The following TTC16 variants were observed in gnomAD, a reference collection of about 807,000 sequenced individuals.
TTC16 encodes the protein tetratricopeptide repeat protein 16.
A neutral mutation model predicts 80.4 loss-of-function variants in TTC16; 66 were observed. That is an observed-to-expected ratio of 0.82 (90% confidence interval 0.67 to 1.01). The LOEUF is 1.01. TTC16 is among the 50% of genes least tolerant of loss of function. The probability of loss-of-function intolerance (pLI) is 0.00; values close to 1 mark genes in which losing one functional copy is unlikely to be tolerated. For missense variants in TTC16, 1,070 were observed against 1,103.2 expected, an observed-to-expected ratio of 0.97 and a Z score of 0.43; for synonymous variants, 438 against 451.3, an observed-to-expected ratio of 0.97 and a Z score of 0.37.
chr9:127,729,579 A>G lies in TTC16; in HGVS notation c.1765-2A>G, dbSNP rs768056633. 18 of 1,613,494 alleles carry G rather than the reference A, an allele frequency of 1.1e-5. 1 individual carries two copies. Among genetic ancestry groups the G allele is most frequent in the Middle Eastern group, 1.6e-4 (1 of 6,082 alleles). On this transcript the variant is annotated splice_acceptor_variant, in intron 12 of 13. Coordinates refer to ENST00000373289, the MANE Select transcript of TTC16 (RefSeq NM_144965.3). LOFTEE classifies it high-confidence loss of function. ...AACTACAAAGCCTGTTTCTTGCCAT[A>G]GGAGAAAAAATCAGAGCTCATACCT...
chr9:127,717,358 G>T lies in TTC16; in HGVS notation c.216G>T (p.Leu72Phe). The part of the protein sequence containing the change: ...REYYSRGQQC[L>F]EQADWETAVL... ...GCTACTCCAGAGGCCAGCAGTGCTT[G>T]GAGCAGGCAGACTGGGAGACAGCTG... Residue 72 changes from leucine to phenylalanine, a missense_variant, in exon 3 of 14, where the codon TTG (leucine) becomes TTT (phenylalanine). Coordinates refer to ENST00000373289, the MANE Select transcript of TTC16 (RefSeq NM_144965.3). The T allele has an allele frequency of 6.2e-7, 1 of 1,612,206 alleles. No individual in the cohort carries two copies.
At chr9:127,729,916 A>G in intron 13 of TTC16, 1 of 505,746 alleles carries the variant, frequency 2.0e-6, no homozygotes, top group Non-Finnish European at 3.6e-6. Flanking sequence ...CCTGTCCCTG[A>G]AATAAGCCCA....
chr9:127,723,905 C>A (rs1246503260), intron 7 of TTC16, among the ~76,000 whole-genome samples: 34 of 146,204 alleles, frequency 2.3e-4, no homozygotes, highest in Admixed American at 2.0e-4. Flanking sequence ...GGTATTTTTG[C>A]AAAAAAAAAA....
rs1243017320 is a variant in TTC16, at chr9:127,720,392, G to A, written c.654G>A (p.Gln218=). ...IFRARLYNFL[Q]KPHLCYRDLH... Reference sequence around the variant, plus strand: ...GGGCCAGACTCTACAACTTTCTCCAGAAGGTACAGTGGGGAGGGCGGGCAG... The same window carrying A: ...GGGCCAGACTCTACAACTTTCTCCAAAAGGTACAGTGGGGAGGGCGGGCAG... The change falls in exon 6 of 14, where the codon CAG becomes CAA. Residue 218 remains glutamine (Q), a synonymous_variant. Coordinates refer to ENST00000373289, the MANE Select transcript of TTC16 (RefSeq NM_144965.3). 2 of 1,311,828 alleles carry A rather than the reference G, an allele frequency of 1.5e-6. No homozygotes were observed. Among genetic ancestry groups the A allele is most frequent in the African/African-American group, 2.9e-5 (2 of 69,064 alleles). 81.3% of individuals were successfully genotyped at this position (1,311,828 alleles called of 1,614,324 possible).
rs1352721099 is a variant in TTC16, at chr9:127,724,881, T to C, written c.1243T>C (p.Cys415Arg). 6.4e-7 allele frequency: 1 copy of C among 1,559,298 alleles called. No homozygotes were observed. Among genetic ancestry groups the C allele is most frequent in the African/African-American group, 1.4e-5 (1 of 73,552 alleles). Reference protein sequence around the residue: ...MGLLQEKMGFCEQRRKQFQKA... With the variant: ...MGLLQEKMGFREQRRKQFQKA... ...CCTGCTGCAGGAGAAGATGGGCTTC[T>C]GCGAGCAGAGGCGCAAGTGCGTGGG... Residue 415 changes from cysteine (C) to arginine (R), a missense_variant, in exon 9 of 14, where the codon TGC becomes CGC. Coordinates refer to ENST00000373289, the MANE Select transcript of TTC16 (RefSeq NM_144965.3).
chr9:127,727,330 G>A lies in TTC16; in HGVS notation c.1629G>A (p.Lys543=). The A allele has an allele frequency of 6.2e-7, 1 of 1,602,642 alleles. No homozygotes were observed. The highest frequency in any genetic ancestry group is 8.5e-7 in the Non-Finnish European group (1 of 1,172,568). The stretch of plus-strand genomic sequence containing the variant: ...CCTTGGCCCTGCAGCACTCATGGAA[G>A]CAGGGGGAGCCTTTGATTGCGACCT... ...QKALALQHSW[K]QGEPLIATSE... is the part of the protein sequence containing the mutation. Residue 543 remains lysine (K), a synonymous_variant, in exon 12 of 14, where the codon AAG becomes AAA. Coordinates refer to ENST00000373289, the MANE Select transcript of TTC16 (RefSeq NM_144965.3).
At chr9:127,730,357 C>A (rs778876044) in intron 13 of TTC16, 11 of 500,118 alleles carry the variant, frequency 2.2e-5, no homozygotes, top group Non-Finnish European at 3.2e-5. Flanking sequence ...CCTGCTGGGG[C>A]TGTCTGCTGC....
In TTC16 at chr9:127,724,282, C is replaced by CA. The variant is rs939021377; in HGVS notation, c.1035_1036insA (p.Ala346SerfsTer149). On this transcript the variant is annotated frameshift_variant, in exon 8 of 14. Coordinates refer to ENST00000373289, the MANE Select transcript of TTC16 (RefSeq NM_144965.3). LOFTEE classifies it high-confidence loss of function. ...TTGCCGTGCACTGCTACAGGCAGGG[C>CA]GCCTACCAGGAGGGCGTGCTGCTGC... is the stretch of plus-strand genomic sequence containing the variant. 1.7e-5 allele frequency: 27 copies of CA among 1,612,896 alleles called. No individual in the cohort carries two copies. Among genetic ancestry groups the CA allele is most frequent in the Admixed American group, 6.7e-5 (4 of 60,002 alleles).
At position 127,716,104 on chromosome 9, in the gene TTC16, G is replaced by T. The variant is rs372505648; in HGVS notation, c.-42G>T. 1 of 1,613,736 alleles carries T rather than the reference G, an allele frequency of 6.2e-7. No homozygotes were observed. The highest frequency in any genetic ancestry group is 8.5e-7 in the Non-Finnish European group (1 of 1,179,976). On this transcript the variant is annotated 5_prime_UTR_variant, in exon 1 of 14. It adds an upstream start codon to the 5' untranslated region. Transcript: ENST00000373289. ...AGCAACGTCAGGGCCAGGGCCGCGAGGTAGTTGGCAGAGGCCTCGGGGTCC... is the reference window on the plus strand; with the variant it reads ...AGCAACGTCAGGGCCAGGGCCGCGATGTAGTTGGCAGAGGCCTCGGGGTCC...
intron 7 of TTC16, 24 bp downstream of exon 7, chr9:127,723,357 C>A (rs1453170344): frequency 5.0e-6 from 8 of 1,603,596 alleles, no homozygotes; most frequent in Non-Finnish European, 6.0e-6. Flanking sequence ...AGGTGCTGGC[C>A]TTGGGTCCCA....
chr9:127,730,591 C>T, intron 13 of TTC16, 45 bp from the exon 14 acceptor site: 1 of 1,591,324 alleles, frequency 6.3e-7, no homozygotes, highest in Non-Finnish European at 8.5e-7. Context: ...CTGTCCAGGG[C>T]AGGTGCGGCA....
In TTC16 at chr9:127,723,430, A is replaced by G. The variant is rs543144978; in HGVS notation, c.872+97A>G. 4 of 1,189,876 alleles carry G rather than the reference A, an allele frequency of 3.4e-6. No homozygotes were observed. In the Admixed American group the frequency reaches 6.5e-5, roughly 19 times the overall value. 73.7% of individuals were successfully genotyped at this position (1,189,876 alleles called of 1,614,324 possible). On this transcript the variant is annotated intron_variant, in intron 7 of 13. Coordinates refer to ENST00000373289, the MANE Select transcript of TTC16 (RefSeq NM_144965.3). ...GAGTCCCTGACCCTCTCTGGGCCTC[A>G]GTTTCCCCAGCTAGCCTCTAACAGT...
intron 1 of TTC16, 185 bp from the exon 2 acceptor site, chr9:127,716,659 G>C: frequency 1.4e-6 from 1 of 699,702 alleles, no homozygotes; most frequent in Non-Finnish European, 2.3e-6. Context: ...CAGGACTGCA[G>C]AGGGACAGGT....
chr9:127,730,916 G>A lies in TTC16; in HGVS notation c.2133G>A (p.Lys711=). ...TIHKRNSSKT[K]ATQSQRRNSS... ...ACAAGAGGAACTCCAGCAAGACCAA[G>A]GCCACCCAAAGCCAGAGGCGGAACT... The change falls in exon 14 of 14, where the codon AAG becomes AAA. Residue 711 remains lysine (K), a synonymous_variant. Transcript: ENST00000373289. 3 of 1,612,674 alleles carry A rather than the reference G, an allele frequency of 1.9e-6. No individual in the cohort carries two copies. Among genetic ancestry groups the A allele is most frequent in the Non-Finnish European group, 2.5e-6 (3 of 1,179,822 alleles).
At chr9:127,716,750 G>A in intron 1 of TTC16, 94 bp from the exon 2 acceptor site, 2 of 1,469,396 alleles carry the variant, frequency 1.4e-6, no homozygotes, top group Non-Finnish European at 1.8e-6. Flanking sequence ...CCTCATTTCC[G>A]CCTCTCCTCC....
chr9:127,716,126 G>A lies in TTC16; in HGVS notation c.-20G>A, dbSNP rs765247852. The stretch of plus-strand genomic sequence containing the variant: ...CGAGGTAGTTGGCAGAGGCCTCGGG[G>A]TCCTCCTGGAAGGGGCCTCATGACA... On this transcript the variant is annotated 5_prime_UTR_variant, in exon 1 of 14. Transcript: ENST00000373289. The A allele has an allele frequency of 6.2e-7, 1 of 1,613,994 alleles. No individual in the cohort carries two copies. Among genetic ancestry groups the A allele is most frequent in the East Asian group, 2.2e-5 (1 of 44,888 alleles).
intron 6 of TTC16, among the ~76,000 whole-genome samples, chr9:127,721,111 G>A (rs937190752): frequency 2.6e-5 from 4 of 151,762 alleles, no homozygotes; most frequent in African/African-American, 9.7e-5. Context: ...TCACAAGGAA[G>A]GAGGTGGAGG....
At position 127,717,000 on chromosome 9, in the gene TTC16, CT is replaced by C. The variant is rs1381528702; in HGVS notation, c.176del (p.Leu59ProfsTer98). 1 of 1,613,444 alleles carries C rather than the reference CT, an allele frequency of 6.2e-7. No homozygotes were observed. Among genetic ancestry groups the C allele is most frequent in the East Asian group, 2.2e-5 (1 of 44,844 alleles). On this transcript the variant is annotated frameshift_variant, in exon 2 of 14. Coordinates refer to ENST00000373289, the MANE Select transcript of TTC16 (RefSeq NM_144965.3). LOFTEE classifies it high-confidence loss of function. ...AAAGGTCACAGGGTTAACAGTGCCC[CT>C]CAAAGTCAGGGAATAGTGAGTGACT... ...KPKVTGLTVPLKVREYYSRGQ... is the reference protein window; with the variant it reads ...KPKVTGLTVPXKVREYYSRGQ...
chr9:127,723,644 C>G (rs931322631), intron 7 of TTC16, among the ~76,000 whole-genome samples: 3 of 152,192 alleles, frequency 2.0e-5, no homozygotes, highest in Non-Finnish European at 4.4e-5. Context: ...CAGGAACTTA[C>G]CACATCCTGC....
Sources: gnomAD v4.1 joint callset for allele counts (sites outside exome capture counted in the v4.1 genomes callset) on GRCh38, gnomAD v4.1.1 for gene constraint, MANE v1.5 for transcripts, NCBI Gene and HGNC (gene_info 2026-07-23, HGNC 2026-07-21) for gene names.